THSD7B: variants seen among roughly 807,000 people sequenced by gnomAD.
The protein encoded by THSD7B is thrombospondin type 1 domain containing 7B.
In THSD7B, 138 loss-of-function variants were observed where a neutral mutation model predicts 213.6. The ratio of observed to expected loss-of-function variants is 0.65; its 90% CI spans 0.56 to 0.74. The LOEUF (loss-of-function observed/expected upper bound fraction) is 0.74, where lower values mean the gene tolerates loss of function less well. Among genes scored for constraint, THSD7B ranks in the 30% least tolerant of loss-of-function variants. THSD7B has a pLI of 0.00. For synonymous variants in THSD7B, 742 were observed against 687.0 expected, an observed-to-expected ratio of 1.08 and a Z score of -1.25; for missense variants, 1,931 against 1,991.5, an observed-to-expected ratio of 0.97 and a Z score of 0.58.
rs758605666 is a variant in THSD7B at position 137,272,575 on chromosome 2, A to G, written c.2309A>G (p.Gln770Arg). The G allele has an allele frequency of 5.0e-6, 8 of 1,612,122 alleles. No individual in the cohort carries two copies. The highest frequency in any genetic ancestry group is 6.8e-6 in the Non-Finnish European group (8 of 1,178,966). The change falls in exon 11 of 28, where the codon CAA becomes CGA. Residue 770 changes from glutamine (Q) to arginine (R), a missense_variant. Transcript: ENST00000409968. ...CAGTCTCGATACAGAATCATCATCC[A>G]AGAAGCAGCCAATGGAGGCCAGGAA... ...VKQSRYRIIIQEAANGGQECP... is the reference protein window; with the variant it reads ...VKQSRYRIIIREAANGGQECP...
chr2:137,174,074 T>C (rs372861868), intron 7 of THSD7B, among the ~76,000 whole-genome samples: 2 of 152,220 alleles, frequency 1.3e-5, no homozygotes, highest in South Asian at 2.1e-4. Flanking sequence ...TACTTTATTT[T>C]TGATTTTTTA....
intron 12 of THSD7B, among the ~76,000 whole-genome samples, chr2:137,310,910 T>A (rs1302193070): frequency 6.6e-6 from 1 of 152,080 alleles, no homozygotes. Context: ...TACTGTAGCC[T>A]TGTAGTATAG....
At position 137,575,725 on chromosome 2, in the gene THSD7B, C is replaced by CACACATATATATATATATATATAT. The variant is rs59620213; in HGVS notation, c.3423+3170_3423+3171insCACATATATATATATATATATATA. Among the ~76,000 whole-genome samples the CACACATATATATATATATATATAT allele has an allele frequency of 1.4e-3, 156 of 110,810 alleles. 2 individuals are homozygous for CACACATATATATATATATATATAT. Among genetic ancestry groups the CACACATATATATATATATATATAT allele is most frequent in the Non-Finnish European group, 1.7e-3 (89 of 51,146 alleles). 72.7% of individuals were successfully genotyped at this position (110,810 alleles called of 152,430 possible). A position where few individuals can be genotyped will look rare whatever the true frequency, so the allele number is the denominator to read the frequency against. On this transcript the variant is annotated intron_variant, in intron 17 of 27. Coordinates refer to ENST00000409968, the MANE Select transcript of THSD7B (RefSeq NM_001316349.2). ...TGTTTTTTCTTATTCCCATAACACACATATATATATATATATATTTTTACT... is the reference window on the plus strand; with the variant it reads ...TGTTTTTTCTTATTCCCATAACACACACACATATATATATATATATATATATATATATATATATATATTTTTACT...
intron 1 of THSD7B, among the ~76,000 whole-genome samples, chr2:136,814,261 C>T (rs1296906408): frequency 6.6e-6 from 1 of 152,114 alleles, no homozygotes; most frequent in Admixed American, 6.5e-5. Context: ...CTCTGTTATA[C>T]ACTCACTTAT....
At chr2:137,641,213 T>TA (rs1283839762) in intron 20 of THSD7B, among the ~76,000 whole-genome samples, 1 of 152,240 alleles carries the variant, frequency 6.6e-6, no homozygotes, top group Non-Finnish European at 1.5e-5. Flanking sequence ...TTCTCACTAA[T>TA]ACTCTCTGCT....
At chr2:137,471,765 C>A (rs1448186499) in intron 15 of THSD7B, among the ~76,000 whole-genome samples, 1 of 152,106 alleles carries the variant, frequency 6.6e-6, no homozygotes, top group African/African-American at 2.4e-5. Flanking sequence ...AGTGGCATGT[C>A]CCCTAGACTC....
chr2:137,580,882 C>T (rs1405299628), intron 17 of THSD7B, among the ~76,000 whole-genome samples: 1 of 152,122 alleles, frequency 6.6e-6, no homozygotes, highest in Non-Finnish European at 1.5e-5. Context: ...CTAGAGGTCC[C>T]TTATCACCAA....
At chr2:137,478,299 T>C (rs566097291) in intron 15 of THSD7B, among the ~76,000 whole-genome samples, 79 of 152,320 alleles carry the variant, frequency 5.2e-4, no homozygotes, top group African/African-American at 1.8e-3. Flanking sequence ...CTGGGTTATT[T>C]TGGAAGACCT....
chr2:137,031,322 G>C (rs190049662), intron 2 of THSD7B, among the ~76,000 whole-genome samples: 135 of 152,270 alleles, frequency 8.9e-4, no homozygotes, highest in African/African-American at 3.1e-3. Flanking sequence ...TCTAGCCTGG[G>C]CGACAGAGTG....
At chr2:137,259,742 C>T (rs1156477134) in intron 10 of THSD7B, among the ~76,000 whole-genome samples, 2 of 152,090 alleles carry the variant, frequency 1.3e-5, no homozygotes, top group East Asian at 3.9e-4. Flanking sequence ...TTTCAAATTG[C>T]CTTTCTCCCT....
rs1447420422 is a variant in THSD7B at position 137,372,882 on chromosome 2, G to A, written c.2501-32731G>A. ...CCCACAACAGTCCCCAGAGTGTGAT[G>A]TTCCCCTTCCTGTGTCCATGTGTTC... is the stretch of plus-strand genomic sequence containing the variant. On this transcript the variant is annotated intron_variant, in intron 12 of 27. Transcript: ENST00000409968. Among the ~76,000 whole-genome samples the A allele has an allele frequency of 1.4e-4, 17 of 124,402 alleles. No individual in the cohort carries two copies. The East Asian group carries it at 1.4e-3, about 10-fold the overall frequency. 81.6% of individuals were successfully genotyped at this position (124,402 alleles called of 152,430 possible). A position where few individuals can be genotyped will look rare whatever the true frequency, so the allele number is the denominator to read the frequency against.
At chr2:137,567,695 G>A (rs1681267637) in intron 16 of THSD7B, among the ~76,000 whole-genome samples, 1 of 152,198 alleles carries the variant, frequency 6.6e-6, no homozygotes, top group African/African-American at 2.4e-5. Flanking sequence ...GTTAGGTGGT[G>A]TGGCCTGAGC....
intron 3 of THSD7B, among the ~76,000 whole-genome samples, chr2:137,073,577 T>C (rs922563631): frequency 2.6e-5 from 4 of 152,374 alleles, no homozygotes; most frequent in South Asian, 2.1e-4. Context: ...TTTGTGTCTC[T>C]ATCTCCTTCA....
chr2:137,515,925 T>C (rs1680059315), intron 15 of THSD7B, among the ~76,000 whole-genome samples: 1 of 152,152 alleles, frequency 6.6e-6, no homozygotes, highest in African/African-American at 2.4e-5. Context: ...ACTTATGAAA[T>C]AGATTTGTGA....
At chr2:137,408,901 A>G (rs1686588214) in intron 13 of THSD7B, among the ~76,000 whole-genome samples, 1 of 152,202 alleles carries the variant, frequency 6.6e-6, no homozygotes, top group African/African-American at 2.4e-5. Flanking sequence ...TAGCTAGCCT[A>G]AGGAAGGTGG....
chr2:137,517,508 C>T (rs554937111), intron 15 of THSD7B, among the ~76,000 whole-genome samples: 24 of 152,314 alleles, frequency 1.6e-4, no homozygotes, highest in Middle Eastern at 6.8e-3. Flanking sequence ...TTTGGTCCCT[C>T]CTACAACTAA....
intron 5 of THSD7B, among the ~76,000 whole-genome samples, chr2:137,147,441 A>G (rs1427619914): frequency 6.6e-6 from 1 of 151,670 alleles, no homozygotes; most frequent in African/African-American, 2.4e-5. Context: ...CGTCAGTTAC[A>G]ATGAGGCCTT....
rs116544996 is a variant in THSD7B at position 136,824,793 on chromosome 2, A to G, written c.-35-57351A>G. Among the ~76,000 whole-genome samples, 128 of 152,294 alleles carry G rather than the reference A, an allele frequency of 8.4e-4. 1 individual carries two copies. Among genetic ancestry groups the G allele is most frequent in the African/African-American group, 2.8e-3 (117 of 41,568 alleles). ...CGAGATGCATGCTAACTCCCTAGCT[A>G]TGCATCTTATTAACTTGCCTAGCAG... On this transcript the variant is annotated intron_variant, in intron 1 of 27. Coordinates refer to ENST00000409968, the MANE Select transcript of THSD7B (RefSeq NM_001316349.2).
At chr2:137,071,446 T>C (rs1687486743) in intron 3 of THSD7B, among the ~76,000 whole-genome samples, 1 of 152,198 alleles carries the variant, frequency 6.6e-6, no homozygotes. Flanking sequence ...CATTGTAGAT[T>C]CTGGATATTA....
Sources: allele counts gnomAD v4.1 joint callset (sites outside exome capture counted in the v4.1 genomes callset), GRCh38; gene constraint gnomAD v4.1.1; transcripts MANE v1.5; gene names NCBI Gene and HGNC (gene_info 2026-07-23, HGNC 2026-07-21).